Variants in PRKAG2 observed in about 807,000 individuals in gnomAD.
PRKAG2 encodes protein kinase AMP-activated non-catalytic subunit gamma 2.
Under a neutral mutation model 69.6 loss-of-function variants are expected in PRKAG2, and 26 were observed. The observed-to-expected ratio is 0.37, with a 90% CI of 0.27 to 0.52. The LOEUF (loss-of-function observed/expected upper bound fraction) is 0.52, where lower values mean the gene tolerates loss of function less well. Ranked by LOEUF, PRKAG2 falls within the 20% of genes least tolerant of loss-of-function variation. The pLI is 0.90. For missense variants in PRKAG2, 557 were observed against 740.0 expected, an observed-to-expected ratio of 0.75 and a Z score of 2.87; for synonymous variants, 293 against 285.0, an observed-to-expected ratio of 1.03 and a Z score of -0.28.
intron 3 of PRKAG2, among the ~76,000 whole-genome samples, chr7:151,732,383 CG>C (rs1238709267): frequency 2.0e-5 from 3 of 152,138 alleles, no homozygotes; most frequent in Middle Eastern, 3.4e-3. Flanking sequence ...AAACGAGCCA[CG>C]TACCTCCGCC....
chr7:151,772,083 A>C (rs148470353), intron 3 of PRKAG2, among the ~76,000 whole-genome samples: 20 of 152,330 alleles, frequency 1.3e-4, no homozygotes, highest in African/African-American at 4.8e-4. Context: ...TGAACCAGTA[A>C]ATAGACAGTA....
At chr7:151,665,252 G>A (rs992655163) in intron 4 of PRKAG2, among the ~76,000 whole-genome samples, 2 of 152,130 alleles carry the variant, frequency 1.3e-5, no homozygotes, top group Admixed American at 1.3e-4. Flanking sequence ...CTGAACAAGT[G>A]AGTCCCCTCA....
chr7:151,696,477 C>T (rs560398518), intron 3 of PRKAG2, among the ~76,000 whole-genome samples: 2 of 152,222 alleles, frequency 1.3e-5, no homozygotes, highest in East Asian at 1.9e-4. Flanking sequence ...AGAGCCAGGT[C>T]GTCTCTGCAG....
chr7:151,779,390 C>T (rs6954995), intron 3 of PRKAG2, among the ~76,000 whole-genome samples: 14,192 of 152,200 alleles, frequency 0.093, 2,049 homozygotes, highest in African/African-American at 0.31. Context: ...CCCTCCTCCT[C>T]CTCTCCCCGC....
chr7:151,632,647 G>A lies in PRKAG2; in HGVS notation c.685-509C>T, dbSNP rs1265185907. On this transcript the variant is annotated intron_variant, in intron 4 of 15. Coordinates refer to ENST00000287878, the MANE Select transcript of PRKAG2 (RefSeq NM_016203.4). This position sits in a 1 kb window ranked among gnomAD's most constrained non-coding sequence, Gnocchi z 4.2. ...GCTCCGCGGCGCGGGGAGGGGGAGA[G>A]GGGCTGGAGGCTGCAGAACGCCCCG... 1 of 980,224 alleles carries A rather than the reference G, an allele frequency of 1.0e-6. No homozygotes were observed. The highest frequency in any genetic ancestry group is 1.2e-6 in the Non-Finnish European group (1 of 825,518). The allele number at this position is 980,224 out of a possible 1,614,324, so 60.7% of individuals were successfully genotyped here.
chr7:151,692,086 G>A (rs987150446), intron 3 of PRKAG2, among the ~76,000 whole-genome samples: 14 of 152,128 alleles, frequency 9.2e-5, no homozygotes, highest in African/African-American at 3.4e-4. Context: ...TGCTTGGGAG[G>A]CTGAGGTGTG....
At chr7:151,727,534 G>A (rs764775132) in intron 3 of PRKAG2, among the ~76,000 whole-genome samples, 8 of 152,218 alleles carry the variant, frequency 5.3e-5, no homozygotes, top group Non-Finnish European at 1.0e-4. Flanking sequence ...GCAGGCTGGC[G>A]CACGGGTGCC....
intron 3 of PRKAG2, among the ~76,000 whole-genome samples, chr7:151,763,238 G>A (rs900110722): frequency 6.6e-6 from 1 of 152,258 alleles, no homozygotes; most frequent in Non-Finnish European, 1.5e-5. Context: ...GTCAGACGCA[G>A]CCAAGGCAGG....
intron 1 of PRKAG2, among the ~76,000 whole-genome samples, chr7:151,869,100 C>G (rs996938511): frequency 1.3e-5 from 2 of 151,856 alleles, no homozygotes; most frequent in African/African-American, 4.8e-5. Flanking sequence ...GGGGGCAGTT[C>G]AAAGAAAAGA....
chr7:151,803,427 A>G (rs142416624), intron 1 of PRKAG2, among the ~76,000 whole-genome samples: 1 of 152,296 alleles, frequency 6.6e-6, no homozygotes, highest in African/African-American at 2.4e-5. Flanking sequence ...TTGTTACAAA[A>G]TTTGAGCAGC....
intron 3 of PRKAG2, among the ~76,000 whole-genome samples, chr7:151,740,467 C>G (rs879408442): frequency 5.3e-5 from 8 of 152,194 alleles, no homozygotes; most frequent in Non-Finnish European, 8.8e-5. Context: ...GGCAGCCTGC[C>G]CACACCTTTG....
chr7:151,671,052 T>C (rs557066422), intron 4 of PRKAG2, among the ~76,000 whole-genome samples: 1 of 151,916 alleles, frequency 6.6e-6, no homozygotes, highest in African/African-American at 2.4e-5. Flanking sequence ...TGCATGCCTG[T>C]AGCCCCAGCT....
At chr7:151,716,562 C>A (rs1586013270) in intron 3 of PRKAG2, among the ~76,000 whole-genome samples, 1 of 152,158 alleles carries the variant, frequency 6.6e-6, no homozygotes, top group Admixed American at 6.5e-5. Context: ...CAGAACCCCG[C>A]CCAGCCTTGC....
In PRKAG2 at chr7:151,570,085, T is replaced by C. The variant is rs1016999759; in HGVS notation, c.1106+86A>G. ...CAGGCCCTGTTTGGAATGAAGAACA[T>C]GTTTATTTGTGTCTTTCTTTCTATC... On this transcript the variant is annotated intron_variant, in intron 10 of 15. Transcript: ENST00000287878. The C allele has an allele frequency of 2.2e-5, 32 of 1,467,830 alleles. No homozygotes were observed. Among genetic ancestry groups the C allele is most frequent in the Non-Finnish European group, 2.8e-5 (30 of 1,073,092 alleles). 90.9% of individuals were successfully genotyped at this position (1,467,830 alleles called of 1,614,324 possible).
chr7:151,769,009 C>A (rs763814780), intron 3 of PRKAG2, among the ~76,000 whole-genome samples: 2 of 152,226 alleles, frequency 1.3e-5, no homozygotes, highest in African/African-American at 4.8e-5. Context: ...TGCTCCAAAG[C>A]TCCATGGAGG....
rs75874946 is a variant in PRKAG2, at chr7:151,871,906, G to A, written c.114+4601C>T. 4.5e-3 allele frequency among the ~76,000 whole-genome samples: 685 copies of A among 152,284 alleles called. 41 individuals are homozygous for A. In the East Asian group the frequency reaches 0.11, roughly 25 times the overall value. Reference sequence around the variant, plus strand: ...TTCAATGAAGAGACAAGCTGCTTGGGCACTAGGGGTCCGAGGAGGCCACCA... The same window carrying A: ...TTCAATGAAGAGACAAGCTGCTTGGACACTAGGGGTCCGAGGAGGCCACCA... On this transcript the variant is annotated intron_variant, in intron 1 of 15. Transcript: ENST00000287878.
At chr7:151,820,121 A>G (rs2078734144) in intron 1 of PRKAG2, among the ~76,000 whole-genome samples, 1 of 152,230 alleles carries the variant, frequency 6.6e-6, no homozygotes, top group Non-Finnish European at 1.5e-5. Context: ...GTCTAACTCC[A>G]GTCTGAACAA....
At chr7:151,636,141 G>A (rs1373563058) in intron 4 of PRKAG2, among the ~76,000 whole-genome samples, 7 of 151,984 alleles carry the variant, frequency 4.6e-5, no homozygotes, top group Middle Eastern at 3.4e-3. Context: ...ATGAGCCACC[G>A]CGCCCAGCCA....
At chr7:151,736,702 T>A (rs1398233291) in intron 3 of PRKAG2, among the ~76,000 whole-genome samples, 1 of 152,188 alleles carries the variant, frequency 6.6e-6, no homozygotes, top group African/African-American at 2.4e-5. Flanking sequence ...GGCTCACGGT[T>A]CCACTCAATG....
Sources: allele counts gnomAD v4.1 joint callset (sites outside exome capture counted in the v4.1 genomes callset), GRCh38; gene constraint gnomAD v4.1.1; non-coding constraint Gnocchi (gnomAD v3.1); transcripts MANE v1.5; gene names NCBI Gene and HGNC (gene_info 2026-07-23, HGNC 2026-07-21).